The following SEPTIN9 variants were observed in gnomAD, a reference collection of about 807,000 sequenced individuals.
The protein encoded by SEPTIN9 is septin-9.
Under a neutral mutation model 56.6 loss-of-function variants are expected in SEPTIN9, and 13 were observed. That is an observed-to-expected ratio of 0.23 (90% CI 0.15 to 0.37). SEPTIN9 has a LOEUF of 0.37. Ranked by LOEUF, SEPTIN9 falls within the 10% of genes least tolerant of loss-of-function variation. SEPTIN9 has a pLI of 1.00. For synonymous variants in SEPTIN9, 332 were observed against 334.1 expected (o/e 0.99, Z 0.07); for missense variants, 650 against 823.1 (o/e 0.79, Z 2.57).
At position 77,451,609 on chromosome 17, in the gene SEPTIN9, C is replaced by G; in HGVS notation, c.722-30535C>G. On this transcript the variant is annotated intron_variant, in intron 3 of 11. Coordinates refer to ENST00000427177, the MANE Select transcript of SEPTIN9 (RefSeq NM_001113491.2). The surrounding 1 kb of genome is among the most constrained non-coding windows in gnomAD (Gnocchi z 4.2). Reference sequence around the variant, plus strand: ...AGGTGGCGCGGCCGCGAGGCGGACCCTGATGGCCATGGTGGCGGTGCCGGG... The same window carrying G: ...AGGTGGCGCGGCCGCGAGGCGGACCGTGATGGCCATGGTGGCGGTGCCGGG... 12 of 949,726 alleles carry G rather than the reference C, an allele frequency of 1.3e-5. No individual in the cohort carries two copies. The highest frequency in any genetic ancestry group is 1.5e-5 in the Non-Finnish European group (12 of 797,488). The allele number at this position is 949,726 out of a possible 1,614,324, so 58.8% of individuals were successfully genotyped here.
At chr17:77,458,441 G>A (rs2038314034) in intron 3 of SEPTIN9, among the ~76,000 whole-genome samples, 2 of 152,374 alleles carry the variant, frequency 1.3e-5, no homozygotes, top group African/African-American at 4.8e-5. Flanking sequence ...TCTGCAGACA[G>A]GGAGGAGCCC....
At chr17:77,455,025 C>A (rs868360185) in intron 3 of SEPTIN9, among the ~76,000 whole-genome samples, 1 of 151,906 alleles carries the variant, frequency 6.6e-6, no homozygotes, top group African/African-American at 2.4e-5. Flanking sequence ...GGCCGGCCGG[C>A]CTAAACGCGA....
In SEPTIN9 at chr17:77,492,890, C is replaced by G. The variant is rs2040090787; in HGVS notation, c.1477-90C>G. ...GCTGAGGCTCTCGTTTTTGGGGGAC[C>G]CCAGGCTCAGGGCAGCTCCTCCCGG... On this transcript the variant is annotated intron_variant, in intron 9 of 11. Transcript: ENST00000427177. The surrounding 1 kb of genome is among the most constrained non-coding windows in gnomAD (Gnocchi z 5.4). The G allele has an allele frequency of 7.4e-7, 1 of 1,344,228 alleles. No homozygotes were observed. The highest frequency in any genetic ancestry group is 1.2e-5 in the South Asian group (1 of 82,366). 83.3% of individuals were successfully genotyped at this position (1,344,228 alleles called of 1,614,324 possible). A position where few individuals can be genotyped will look rare whatever the true frequency, so the allele number is the denominator to read the frequency against.
chr17:77,484,377 ATGG>A (rs1435772094), intron 4 of SEPTIN9, among the ~76,000 whole-genome samples: 3 of 125,334 alleles, frequency 2.4e-5, no homozygotes, highest in Admixed American at 1.6e-4. Flanking sequence ...GGTGATGGGG[ATGG>A]TGGTGGTGGT....
chr17:77,488,260 C>G lies in SEPTIN9; in HGVS notation c.1063C>G (p.Arg355Gly). The G allele has an allele frequency of 6.2e-7, 1 of 1,613,774 alleles. No homozygotes were observed. The highest frequency in any genetic ancestry group is 8.5e-7 in the Non-Finnish European group (1 of 1,179,840). ...ITHDIEEKGVRMKLTVIDTPG... is the reference protein window; with the variant it reads ...ITHDIEEKGVGMKLTVIDTPG... ...TGCAGATATTGAGGAGAAAGGCGTC[C>G]GGATGAAGCTGACAGTGATTGACAC... is the stretch of plus-strand genomic sequence containing the variant. The change falls in exon 6 of 12, where the codon CGG becomes GGG. Residue 355 changes from arginine (R) to glycine (G), a missense_variant. By Grantham distance (125) the Arg-to-Gly change is moderately radical (BLOSUM62 -2). This residue lies in a region of SEPTIN9 where 333 missense variants were observed against 494.0 expected (regional missense o/e 0.67). Coordinates refer to ENST00000427177, the MANE Select transcript of SEPTIN9 (RefSeq NM_001113491.2).
intron 2 of SEPTIN9, among the ~76,000 whole-genome samples, chr17:77,309,542 C>CA (rs1390284873): frequency 6.6e-6 from 1 of 152,204 alleles, no homozygotes; most frequent in African/African-American, 2.4e-5. Flanking sequence ...GACTGTCTGC[C>CA]ATCCCATCCT....
Position 77,307,185 on chromosome 17 carries a change from T to G in SEPTIN9, c.64T>G (p.Ser22Ala), listed in dbSNP as rs369008671. 1 of 1,613,808 alleles carries G rather than the reference T, an allele frequency of 6.2e-7. No individual in the cohort carries two copies. Among genetic ancestry groups the G allele is most frequent in the African/African-American group, 1.3e-5 (1 of 75,042 alleles). The change falls in exon 2 of 12, where the codon TCC (serine) becomes GCC (alanine). Residue 22 changes from serine to alanine, a missense_variant. Transcript: ENST00000427177. Reference sequence around the variant, plus strand: ...TGGCCGGCTCCGGAGGCTTGGTGACTCCAGTGGCCCAGGTAGGTGGCTCGC... The same window carrying G: ...TGGCCGGCTCCGGAGGCTTGGTGACGCCAGTGGCCCAGGTAGGTGGCTCGC... ...SSGRLRRLGD[S>A]SGPALKRSFE... is the part of the protein sequence containing the mutation.
At chr17:77,298,225 G>C (rs547203428) in intron 1 of SEPTIN9, among the ~76,000 whole-genome samples, 2 of 152,326 alleles carry the variant, frequency 1.3e-5, no homozygotes, top group Non-Finnish European at 1.5e-5. Context: ...ACAATTACTA[G>C]GAATAATGGA....
At chr17:77,304,881 C>A (rs188952260) in intron 1 of SEPTIN9, among the ~76,000 whole-genome samples, 28 of 152,228 alleles carry the variant, frequency 1.8e-4, no homozygotes, top group Admixed American at 1.4e-3. Flanking sequence ...TCATGGCCAT[C>A]GTGGAAGTGA....
intron 1 of SEPTIN9, among the ~76,000 whole-genome samples, chr17:77,293,301 G>A (rs1343897370): frequency 6.6e-6 from 1 of 152,188 alleles, no homozygotes; most frequent in Non-Finnish European, 1.5e-5. Context: ...CTACAGGCAT[G>A]TGCCATCACG....
intron 2 of SEPTIN9, among the ~76,000 whole-genome samples, chr17:77,382,417 G>A (rs947634740): frequency 2.6e-5 from 4 of 152,240 alleles, no homozygotes; most frequent in Non-Finnish European, 5.9e-5. Flanking sequence ...CAGGTGGGAG[G>A]TGGGGGAGAG....
At chr17:77,340,321 A>G (rs991599234) in intron 2 of SEPTIN9, among the ~76,000 whole-genome samples, 18 of 151,118 alleles carry the variant, frequency 1.2e-4, no homozygotes, top group Admixed American at 2.0e-4. Flanking sequence ...TTGTATTTTT[A>G]GTAGAGATGC....
chr17:77,424,468 C>A (rs1379115207), intron 3 of SEPTIN9, among the ~76,000 whole-genome samples: 1 of 152,174 alleles, frequency 6.6e-6, no homozygotes, highest in Non-Finnish European at 1.5e-5. Flanking sequence ...AGGGAAGGGG[C>A]TTCAGGAGGT....
In SEPTIN9 at chr17:77,487,676, C is replaced by G; in HGVS notation, c.1042+124C>G. ...GGCGGGCTGGGGGTGCAGGACTCCT[C>G]TGCCTTCCTGGAGCACAGAGTGGGG... On this transcript the variant is annotated intron_variant, in intron 5 of 11. Transcript: ENST00000427177. This position sits in a 1 kb window ranked among gnomAD's most constrained non-coding sequence, Gnocchi z 4.3. 1 of 707,390 alleles carries G rather than the reference C, an allele frequency of 1.4e-6. No individual in the cohort carries two copies. The highest frequency in any genetic ancestry group is 2.0e-6 in the Non-Finnish European group (1 of 494,354). The allele number at this position is 707,390 out of a possible 1,614,324, so 43.8% of individuals were successfully genotyped here. A position where few individuals can be genotyped will look rare whatever the true frequency, so the allele number is the denominator to read the frequency against.
intron 3 of SEPTIN9, among the ~76,000 whole-genome samples, chr17:77,408,227 A>G (rs992557265): frequency 3.9e-5 from 6 of 152,192 alleles, no homozygotes; most frequent in Non-Finnish European, 7.3e-5. Flanking sequence ...GATCTGTCAA[A>G]GAGGCATCTG....
intron 2 of SEPTIN9, among the ~76,000 whole-genome samples, chr17:77,356,616 A>G (rs545807030): frequency 3.6e-5 from 5 of 140,204 alleles, no homozygotes; most frequent in African/African-American, 1.3e-4. Context: ...TCCTCCTTCT[A>G]TGTTTCCTCT....
rs183990252 is a variant in SEPTIN9, at chr17:77,413,078, C to T, written c.721+10375C>T. On this transcript the variant is annotated intron_variant, in intron 3 of 11. Transcript: ENST00000427177. ...ACACAGCAGCGAGCTTGGTCTGGAG[C>T]GGGTGGGGCGTGTGTGTGTGTGTGT... Among the ~76,000 whole-genome samples the T allele has an allele frequency of 1.0e-4, 14 of 140,328 alleles. No homozygotes were observed. In the East Asian group the frequency reaches 2.6e-3, roughly 26 times the overall value. 92.1% of individuals were successfully genotyped at this position (140,328 alleles called of 152,430 possible).
At chr17:77,495,379 C>G (rs72887193) in intron 10 of SEPTIN9, among the ~76,000 whole-genome samples, 2,374 of 152,272 alleles carry the variant, frequency 0.016, 29 homozygotes, top group Non-Finnish European at 0.025. Context: ...CATAGCTGAC[C>G]TGACACCCGG....
intron 3 of SEPTIN9, among the ~76,000 whole-genome samples, chr17:77,415,497 C>T (rs1406418416): frequency 6.6e-6 from 1 of 152,048 alleles, no homozygotes; most frequent in Non-Finnish European, 1.5e-5. Context: ...GTCCCAGCTA[C>T]TCGGTAGGCT....
Sources: allele counts gnomAD v4.1 joint callset (sites outside exome capture counted in the v4.1 genomes callset), GRCh38; gene constraint gnomAD v4.1.1; regional missense constraint gnomAD v4.1.1; non-coding constraint Gnocchi (gnomAD v3.1); transcripts MANE v1.5; gene names NCBI Gene and HGNC (gene_info 2026-07-23, HGNC 2026-07-21).